Variants in DRC11 observed in about 807,000 individuals in gnomAD.
The protein encoded by DRC11 is dynein regulatory complex subunit 11, also known as IQ and AAA domain-containing protein 1.
chr2:236,458,024 A>G, the DRC11 span, among the ~76,000 whole-genome samples: 5 of 152,178 alleles, frequency 3.3e-5, no homozygotes, highest in Non-Finnish European at 5.9e-5. Context: ...AGTAATTGTG[A>G]GTCTCTATTA....
At chr2:236,374,043 C>G in the DRC11 span, among the ~76,000 whole-genome samples, 1 of 152,176 alleles carries the variant, frequency 6.6e-6, no homozygotes, top group East Asian at 1.9e-4. Context: ...GTGGGCCAAA[C>G]CCCTCCTAGT....
the DRC11 span, chr2:236,392,095 C>T: frequency 6.2e-6 from 10 of 1,603,972 alleles, no homozygotes; most frequent in African/African-American, 1.3e-4. This position sits in a 1 kb window ranked among gnomAD's most constrained non-coding sequence, Gnocchi z 5.1. Flanking sequence ...AAACATACTA[C>T]TTTTAAGTCA....
chr2:236,425,149 A>G, the DRC11 span, among the ~76,000 whole-genome samples: 1 of 151,998 alleles, frequency 6.6e-6, no homozygotes, highest in African/African-American at 2.4e-5. Flanking sequence ...TCTTTGACAC[A>G]CTGATTTCAT....
the DRC11 span, among the ~76,000 whole-genome samples, chr2:236,488,662 C>T: frequency 6.6e-6 from 1 of 152,114 alleles, no homozygotes; most frequent in Non-Finnish European, 1.5e-5. Flanking sequence ...GTGAATACAA[C>T]TAATATCGAA....
At chr2:236,501,145 C>T in the DRC11 span, among the ~76,000 whole-genome samples, 2 of 152,026 alleles carry the variant, frequency 1.3e-5, no homozygotes, top group African/African-American at 2.4e-5. Flanking sequence ...TCTCACATGG[C>T]GGGAGCAGGA....
the DRC11 span, chr2:236,440,923 T>C: frequency 4.5e-4 from 289 of 646,298 alleles, no homozygotes; most frequent in African/African-American, 4.8e-3. Flanking sequence ...AGTATTTCCA[T>C]GTAAATATTT....
chr2:236,482,207 G>A, the DRC11 span, among the ~76,000 whole-genome samples: 41 of 151,850 alleles, frequency 2.7e-4, no homozygotes, highest in Admixed American at 2.3e-3. This position sits in a 1 kb window ranked among gnomAD's most constrained non-coding sequence, Gnocchi z 4.5. Flanking sequence ...AAATTAGTCA[G>A]AAACATACTT....
At chr2:236,435,094 G>A in the DRC11 span, among the ~76,000 whole-genome samples, 7 of 152,184 alleles carry the variant, frequency 4.6e-5, no homozygotes, top group Non-Finnish European at 1.0e-4. Context: ...CAATTCCTGT[G>A]TGCTTAACTC....
the DRC11 span, among the ~76,000 whole-genome samples, chr2:236,358,796 G>A: frequency 6.7e-6 from 1 of 148,914 alleles, no homozygotes; most frequent in African/African-American, 2.5e-5. Context: ...AGAACCAGAG[G>A]TCTGACCTCT....
At chr2:236,493,864 G>A in the DRC11 span, 2 of 1,605,010 alleles carry the variant, frequency 1.2e-6, no homozygotes, top group Non-Finnish European at 1.7e-6. Context: ...AAAAATACTT[G>A]GGTATGGGAA....
the DRC11 span, among the ~76,000 whole-genome samples, chr2:236,409,661 G>A: frequency 1.3e-5 from 2 of 152,034 alleles, no homozygotes; most frequent in Non-Finnish European, 2.9e-5. Context: ...TAGGAGTGGT[G>A]AGAGAGGGCA....
At chr2:236,352,330 G>A in the DRC11 span, among the ~76,000 whole-genome samples, 1 of 152,108 alleles carries the variant, frequency 6.6e-6, no homozygotes, top group African/African-American at 2.4e-5. This position sits in a 1 kb window ranked among gnomAD's most constrained non-coding sequence, Gnocchi z 7.0. Flanking sequence ...CGGGCAGACA[G>A]TAAGCCTGGG....
chr2:236,402,235 T>C, the DRC11 span, among the ~76,000 whole-genome samples: 1 of 152,208 alleles, frequency 6.6e-6, no homozygotes, highest in African/African-American at 2.4e-5. The surrounding 1 kb of genome is among the most constrained non-coding windows in gnomAD (Gnocchi z 6.0). Context: ...AGTCACCTCC[T>C]GGCTCAAGTG....
the DRC11 span, among the ~76,000 whole-genome samples, chr2:236,434,776 A>G: frequency 6.6e-6 from 1 of 152,212 alleles, no homozygotes; most frequent in Admixed American, 6.5e-5. The surrounding 1 kb of genome is among the most constrained non-coding windows in gnomAD (Gnocchi z 5.5). Flanking sequence ...TTCTACCAAC[A>G]TTCTTAATCC....
the DRC11 span, among the ~76,000 whole-genome samples, chr2:236,457,982 A>G: frequency 6.6e-6 from 1 of 152,266 alleles, no homozygotes. The surrounding 1 kb of genome is among the most constrained non-coding windows in gnomAD (Gnocchi z 4.7). Flanking sequence ...AGCACTTCAA[A>G]TTCCTGGTAT....
At chr2:236,306,928 G>A in the DRC11 span, among the ~76,000 whole-genome samples, 22 of 151,850 alleles carry the variant, frequency 1.4e-4, no homozygotes, top group East Asian at 1.4e-3. The surrounding 1 kb of genome is among the most constrained non-coding windows in gnomAD (Gnocchi z 5.9). Context: ...GGTTATGTCC[G>A]TCCCACTGTA....
At chr2:236,436,700 C>T in the DRC11 span, among the ~76,000 whole-genome samples, 1 of 152,032 alleles carries the variant, frequency 6.6e-6, no homozygotes, top group African/African-American at 2.4e-5. Flanking sequence ...GAGTATGAAC[C>T]TCAGCTCCAC....
chr2:236,459,474 A>G, the DRC11 span, among the ~76,000 whole-genome samples: 1 of 146,872 alleles, frequency 6.8e-6, no homozygotes, highest in Non-Finnish European at 1.5e-5. Context: ...CTAAAACTGT[A>G]ATTAAAAAAT....
the DRC11 span, among the ~76,000 whole-genome samples, chr2:236,398,189 C>T: frequency 1.3e-5 from 2 of 152,192 alleles, no homozygotes; most frequent in Non-Finnish European, 2.9e-5. This position sits in a 1 kb window ranked among gnomAD's most constrained non-coding sequence, Gnocchi z 6.2. Flanking sequence ...CTTTTGACCT[C>T]CTTTCTTCCC....
Sources: gnomAD v4.1 joint callset for allele counts (sites outside exome capture counted in the v4.1 genomes callset) on GRCh38, gnomAD v4.1.1 for gene constraint, Gnocchi (gnomAD v3.1) non-coding constraint, MANE v1.5 for transcripts, NCBI Gene and HGNC (gene_info 2026-07-23, HGNC 2026-07-21) for gene names.